Variants in SLC22A15 observed in about 807,000 individuals in gnomAD.
SLC22A15 encodes flipt 1.
SLC22A15 carries 45 observed loss-of-function variants against 62.7 expected under a neutral mutation model. That is an observed-to-expected ratio of 0.72 (90% CI 0.56 to 0.92). The LOEUF is 0.92. SLC22A15 is among the 40% of genes least tolerant of loss of function. SLC22A15 has a pLI of 0.00. For missense variants in SLC22A15, 622 were observed against 665.6 expected (o/e 0.93, Z 0.72); for synonymous variants, 264 against 267.0 (o/e 0.99, Z 0.11).
chr1:116,029,901 C>A (rs1017608712), intron 5 of SLC22A15, among the ~76,000 whole-genome samples: 2 of 152,102 alleles, frequency 1.3e-5, no homozygotes, highest in East Asian at 1.9e-4. Context: ...CATATATTTT[C>A]TCTCAATATT....
intron 8 of SLC22A15, among the ~76,000 whole-genome samples, chr1:116,055,548 C>T (rs1287668734): frequency 2.0e-5 from 3 of 148,502 alleles, no homozygotes; most frequent in African/African-American, 7.5e-5. Context: ...CTCCTTAAGT[C>T]ATTTTATGAG....
intron 4 of SLC22A15, among the ~76,000 whole-genome samples, chr1:116,026,404 C>T (rs748139351): frequency 1.3e-4 from 19 of 150,204 alleles, no homozygotes; most frequent in South Asian, 6.3e-4. Context: ...CCAGCCTGGG[C>T]GACAGAGCGA....
At chr1:116,014,335 C>G (rs1383317684) in intron 2 of SLC22A15, among the ~76,000 whole-genome samples, 2 of 152,214 alleles carry the variant, frequency 1.3e-5, no homozygotes, top group Non-Finnish European at 2.9e-5. Flanking sequence ...GATTTTCTCT[C>G]AGGTCCACTT....
At chr1:116,061,970 AG>A (rs564223678) in intron 8 of SLC22A15, among the ~76,000 whole-genome samples, 167 of 152,278 alleles carry the variant, frequency 1.1e-3, no homozygotes, top group African/African-American at 3.9e-3. Context: ...GCACTTTGGA[AG>A]GCTGAGGCAG....
chr1:115,993,049 A>G (rs903682151), intron 2 of SLC22A15, among the ~76,000 whole-genome samples: 2 of 152,230 alleles, frequency 1.3e-5, no homozygotes, highest in East Asian at 3.9e-4. Flanking sequence ...TTTGCTGGCC[A>G]GAGAGAAGTT....
chr1:116,025,336 C>T (rs1350510703), intron 4 of SLC22A15, among the ~76,000 whole-genome samples: 1 of 152,168 alleles, frequency 6.6e-6, no homozygotes, highest in African/African-American at 2.4e-5. Context: ...CAGCAGTGAA[C>T]CAGTAGTAGC....
At chr1:116,019,803 G>C in intron 3 of SLC22A15, 89 bp downstream of exon 3, 3 of 1,381,238 alleles carry the variant, frequency 2.2e-6, no homozygotes, top group Non-Finnish European at 2.9e-6. Context: ...TTTCCTTAAG[G>C]TTCTCCGGGA....
intron 8 of SLC22A15, 62 bp from the exon 9 acceptor site, chr1:116,062,700 G>A (rs1658411700): frequency 9.4e-6 from 15 of 1,600,288 alleles, no homozygotes; most frequent in Non-Finnish European, 1.2e-5. Context: ...AAAATGAAAT[G>A]TGCCATTTAG....
chr1:115,985,567 G>A (rs1376966178), intron 1 of SLC22A15, among the ~76,000 whole-genome samples: 3 of 151,944 alleles, frequency 2.0e-5, no homozygotes, highest in African/African-American at 4.8e-5. Flanking sequence ...CAAAGTTTTG[G>A]TGCTTGTTAC....
chr1:116,005,866 G>A (rs1358213310), intron 2 of SLC22A15, among the ~76,000 whole-genome samples: 1 of 152,162 alleles, frequency 6.6e-6, no homozygotes, highest in Admixed American at 6.5e-5. Flanking sequence ...CATAATCCAT[G>A]TATCTTGAAT....
rs1487998176 is a variant in SLC22A15 at position 116,020,867 on chromosome 1, G to A, written c.580G>A (p.Ala194Thr). 1.2e-5 allele frequency: 20 copies of A among 1,611,242 alleles called. No homozygotes were observed. Among genetic ancestry groups the A allele is most frequent in the Non-Finnish European group, 1.6e-5 (19 of 1,178,308 alleles). The change falls in exon 4 of 12, where the codon GCC (alanine) becomes ACC (threonine). Residue 194 changes from alanine (A) to threonine (T), a missense_variant. Ala to Thr is a moderately conservative substitution (Grantham distance 58, BLOSUM62 0). Coordinates refer to ENST00000369503, the MANE Select transcript of SLC22A15 (RefSeq NM_018420.3). ...CTTGCTTAATGAATGTGTGGGCACC[G>A]CCTACTGGGCACTTGCAGGTACTAC... is the stretch of plus-strand genomic sequence containing the variant. ...FVLLNECVGT[A>T]YWALAGSIGG...
At chr1:115,992,292 CA>C in intron 2 of SLC22A15, 49 bp downstream of exon 2, 1 of 1,402,066 alleles carries the variant, frequency 7.1e-7, no homozygotes, top group Non-Finnish European at 9.9e-7. Context: ...TCTTTGTCCA[CA>C]TAGAGCTACT....
At chr1:116,053,126 A>C (rs1049290595) in intron 8 of SLC22A15, among the ~76,000 whole-genome samples, 2 of 152,224 alleles carry the variant, frequency 1.3e-5, no homozygotes, top group Non-Finnish European at 2.9e-5. Flanking sequence ...AGGAAATTCA[A>C]ACCAAAGGCA....
intron 2 of SLC22A15, among the ~76,000 whole-genome samples, chr1:116,003,753 C>T (rs1429800683): frequency 2.0e-5 from 3 of 152,138 alleles, no homozygotes; most frequent in Non-Finnish European, 2.9e-5. Flanking sequence ...CTCTTAGGTG[C>T]CTCTTTCCTT....
chr1:116,038,004 A>G (rs1476648667), intron 8 of SLC22A15, among the ~76,000 whole-genome samples: 3 of 152,236 alleles, frequency 2.0e-5, no homozygotes, highest in African/African-American at 7.2e-5. Flanking sequence ...TAACCTGATT[A>G]CTGCCCCTGT....
intron 1 of SLC22A15, among the ~76,000 whole-genome samples, chr1:115,978,193 C>T (rs1654414407): frequency 6.6e-6 from 1 of 152,146 alleles, no homozygotes; most frequent in Admixed American, 6.5e-5. Context: ...ACAATCCCAG[C>T]TCCCCATCCC....
At chr1:116,064,181 A>C (rs1437111465) in intron 9 of SLC22A15, among the ~76,000 whole-genome samples, 2 of 152,068 alleles carry the variant, frequency 1.3e-5, no homozygotes, top group African/African-American at 4.8e-5. Flanking sequence ...TTAAACATTC[A>C]GTTCTTCATC....
intron 2 of SLC22A15, among the ~76,000 whole-genome samples, chr1:116,000,039 C>G (rs764615053): frequency 6.6e-6 from 1 of 151,894 alleles, no homozygotes; most frequent in Non-Finnish European, 1.5e-5. Flanking sequence ...ATCATTGGGT[C>G]TTGGTTTTTT....
At chr1:116,023,977 G>A (rs1279283519) in intron 4 of SLC22A15, among the ~76,000 whole-genome samples, 1 of 152,140 alleles carries the variant, frequency 6.6e-6, no homozygotes, top group East Asian at 1.9e-4. Context: ...GTAACTGAGA[G>A]GGACCAGATG....
Sources: allele counts gnomAD v4.1 joint callset (sites outside exome capture counted in the v4.1 genomes callset), GRCh38; gene constraint gnomAD v4.1.1; transcripts MANE v1.5; gene names NCBI Gene and HGNC (gene_info 2026-07-23, HGNC 2026-07-21).